SOX5: variants seen among roughly 807,000 people sequenced by gnomAD.
SOX5 encodes the protein SRY-box transcription factor 5.
A neutral mutation model predicts 92.0 loss-of-function variants in SOX5; 9 were observed. That is an observed-to-expected ratio of 0.10 (90% CI 0.06 to 0.17). SOX5 has a LOEUF of 0.17. Among genes scored for constraint, SOX5 ranks in the 10% least tolerant of loss-of-function variants. The pLI is 1.00. For missense variants in SOX5, 642 were observed against 944.5 expected (o/e 0.68, Z 4.20); for synonymous variants, 344 against 336.3 (o/e 1.02, Z -0.25).
At position 23,966,067 on chromosome 12, in the gene SOX5, A is replaced by C. The variant is rs578190383; in HGVS notation, c.-1-70043T>G. On this transcript the variant is annotated intron_variant, in intron 4 of 4. Coordinates refer to the SOX5 transcript ENST00000446891. ...ATCCAAGATTTCAAAGAAGCAGCAA[A>C]AATGTCCTTTCATAGGAACATATTC... Among the ~76,000 whole-genome samples the C allele has an allele frequency of 9.9e-5, 15 of 152,198 alleles. No homozygotes were observed. In the East Asian group the frequency reaches 2.9e-3, roughly 29 times the overall value.
intron 7 of SOX5, among the ~76,000 whole-genome samples, chr12:23,646,122 C>A (rs1196594580): frequency 1.3e-5 from 2 of 152,124 alleles, no homozygotes; most frequent in Non-Finnish European, 2.9e-5. Flanking sequence ...GCTGACTGAT[C>A]AGGATGGTGG....
chr12:24,350,289 T>G (rs1030176488), intron 2 of SOX5, among the ~76,000 whole-genome samples: 1 of 152,202 alleles, frequency 6.6e-6, no homozygotes, highest in Non-Finnish European at 1.5e-5. Context: ...CTTGCTCCAG[T>G]GACTTTGGTC....
At chr12:24,232,477 A>G in intron 3 of SOX5, among the ~76,000 whole-genome samples, 1 of 152,234 alleles carries the variant, frequency 6.6e-6, no homozygotes. Context: ...TCAATTAACC[A>G]ACAATAAGAA....
chr12:23,690,501 C>T (rs543089098), intron 6 of SOX5, among the ~76,000 whole-genome samples: 1 of 152,318 alleles, frequency 6.6e-6, no homozygotes, highest in East Asian at 1.9e-4. Context: ...ATCCTCTACT[C>T]TTCATGCCTA....
intron 1 of SOX5, among the ~76,000 whole-genome samples, chr12:24,547,492 A>G (rs899789789): frequency 6.6e-6 from 1 of 152,210 alleles, no homozygotes; most frequent in Non-Finnish European, 1.5e-5. Flanking sequence ...CGCCCGGCCT[A>G]TCTAACATTT....
upstream of SOX5, among the ~76,000 whole-genome samples, chr12:23,954,771 T>C (rs1373674770): frequency 1.3e-5 from 2 of 152,060 alleles, no homozygotes; most frequent in African/African-American, 2.4e-5. Context: ...CACAGATGAA[T>C]TGTTCTCAGA....
chr12:24,020,053 A>G (rs1954106332), intron 4 of SOX5, among the ~76,000 whole-genome samples: 1 of 152,202 alleles, frequency 6.6e-6, no homozygotes, highest in African/African-American at 2.4e-5. Flanking sequence ...ACCATGTGAT[A>G]TTGAATTCTG....
intron 3 of SOX5, among the ~76,000 whole-genome samples, chr12:23,807,832 G>C (rs1353806467): frequency 6.6e-6 from 1 of 151,860 alleles, no homozygotes. Context: ...ATTTTTAGTA[G>C]AGATGGGGTT....
chr12:24,220,961 T>C (rs1173499684), intron 3 of SOX5, among the ~76,000 whole-genome samples: 1 of 152,202 alleles, frequency 6.6e-6, no homozygotes, highest in African/African-American at 2.4e-5. Context: ...TACACTGGTT[T>C]TTGATTTCAC....
chr12:23,545,847 G>T (rs1235938275), intron 12 of SOX5, among the ~76,000 whole-genome samples: 1 of 149,760 alleles, frequency 6.7e-6, no homozygotes, highest in Non-Finnish European at 1.5e-5. Flanking sequence ...GACCAGCCTG[G>T]ACACCATAGT....
chr12:24,060,424 A>C (rs1314857392), intron 4 of SOX5, among the ~76,000 whole-genome samples: 1 of 152,254 alleles, frequency 6.6e-6, no homozygotes, highest in Non-Finnish European at 1.5e-5. Flanking sequence ...ATCAGACAGA[A>C]TGGGATAACA....
intron 1 of SOX5, among the ~76,000 whole-genome samples, chr12:24,555,794 G>A (rs1001875397): frequency 2.0e-5 from 3 of 152,176 alleles, no homozygotes; most frequent in Non-Finnish European, 4.4e-5. Context: ...CAAAGCAAGT[G>A]TCCAAAGCAA....
intron 4 of SOX5, among the ~76,000 whole-genome samples, chr12:24,187,392 T>C (rs1406673769): frequency 6.6e-6 from 1 of 152,174 alleles, no homozygotes; most frequent in Non-Finnish European, 1.5e-5. Context: ...GCAAAAATAT[T>C]AAGATGCTGA....
chr12:24,121,651 G>A (rs1181664322), intron 4 of SOX5, among the ~76,000 whole-genome samples: 1 of 150,022 alleles, frequency 6.7e-6, no homozygotes, highest in African/African-American at 2.5e-5. Context: ...CACTTTGAGA[G>A]GCTGAGGTAG....
chr12:23,906,161 C>T (rs2097291308), intron 1 of SOX5, among the ~76,000 whole-genome samples: 1 of 152,180 alleles, frequency 6.6e-6, no homozygotes, highest in South Asian at 2.1e-4. Context: ...TATTGTTATA[C>T]ATTTGTCATT....
At chr12:24,460,663 T>A (rs1310639555) in intron 1 of SOX5, 1 of 152,206 alleles carries the variant, frequency 6.6e-6, no homozygotes, top group Non-Finnish European at 1.5e-5. Context: ...TTGTATGGGA[T>A]TACATCAGAC....
intron 4 of SOX5, among the ~76,000 whole-genome samples, chr12:24,046,137 C>T (rs112081193): frequency 1.1e-3 from 167 of 152,284 alleles, no homozygotes; most frequent in African/African-American, 3.9e-3. Context: ...CTCTAAATAA[C>T]GTGACTTTGT....
At chr12:23,843,759 T>G (rs1280690683) in intron 3 of SOX5, among the ~76,000 whole-genome samples, 3 of 151,918 alleles carry the variant, frequency 2.0e-5, no homozygotes, top group East Asian at 3.9e-4. Context: ...AGACGGGGTT[T>G]CACCATGTTG....
chr12:23,604,631 C>T, intron 8 of SOX5, 98 bp from the exon 9 acceptor site: 1 of 1,215,720 alleles, frequency 8.2e-7, no homozygotes, highest in Non-Finnish European at 1.2e-6. Context: ...GGTATTTTTC[C>T]TATGAGCATT....
Sources: gnomAD v4.1 joint callset for allele counts (sites outside exome capture counted in the v4.1 genomes callset) on GRCh38, gnomAD v4.1.1 for gene constraint, MANE v1.5 for transcripts, NCBI Gene and HGNC (gene_info 2026-07-23, HGNC 2026-07-21) for gene names.